Variants in CNGA2 observed in about 807,000 individuals in gnomAD.
The protein encoded by CNGA2 is cyclic nucleotide-gated channel alpha-2.
Under a neutral mutation model 35.9 loss-of-function variants are expected in CNGA2, and 22 were observed. That is an observed-to-expected ratio of 0.61 (90% CI 0.44 to 0.88). CNGA2 has a LOEUF of 0.88. Among genes scored for constraint, CNGA2 ranks in the 40% least tolerant of loss-of-function variants. The probability of loss-of-function intolerance (pLI) is 0.00; values close to 1 mark genes in which losing one functional copy is unlikely to be tolerated. For synonymous variants in CNGA2, 217 were observed against 209.2 expected (o/e 1.04, Z -0.32); for missense variants, 555 against 530.8 (o/e 1.05, Z -0.45).
chrX:151,737,278 T>C (rs948609212), intron 1 of CNGA2, among the ~76,000 whole-genome samples: 4 of 111,948 alleles, frequency 3.6e-5, no homozygotes, highest in African/African-American at 1.3e-4. Flanking sequence ...CCTCCAAGTA[T>C]CTCCTGACTC....
At chrX:151,742,188 T>C (rs764936352) in intron 5 of CNGA2, among the ~76,000 whole-genome samples, 1 of 112,449 alleles carries the variant, frequency 8.9e-6, no homozygotes, top group East Asian at 2.8e-4. Flanking sequence ...GACTTGTTCA[T>C]TCATTCAACT....
intron 3 of CNGA2, 121 bp downstream of exon 3, chrX:151,739,000 C>A: frequency 1.8e-6 from 1 of 555,554 alleles, no homozygotes; most frequent in Non-Finnish European, 2.8e-6. Flanking sequence ...CCAAGGAGCA[C>A]TGTCACTGGT....
At position 151,744,602 on chromosome X, in the gene CNGA2, C is replaced by T. The variant is rs147042412; in HGVS notation, c.*104C>T. 826 of 710,647 alleles carry T rather than the reference C, an allele frequency of 1.2e-3. 1 individual carries two copies. The African/African-American group carries it at 0.012, about 11-fold the overall frequency. The allele number at this position is 710,647 out of a possible 1,213,427, so 58.6% of individuals were successfully genotyped here. A position where few individuals can be genotyped will look rare whatever the true frequency, so the allele number is the denominator to read the frequency against. On this transcript the variant is annotated 3_prime_UTR_variant, in exon 7 of 7. Coordinates refer to ENST00000329903, the MANE Select transcript of CNGA2 (RefSeq NM_005140.3). ...ATTTACATGCATTACCCTCATGTTCCCTGAATTCTCCCAAAAGCCTCTCTG... is the reference window on the plus strand; with the variant it reads ...ATTTACATGCATTACCCTCATGTTCTCTGAATTCTCCCAAAAGCCTCTCTG...
chrX:151,742,049 C>G (rs972290917), intron 5 of CNGA2, among the ~76,000 whole-genome samples: 1 of 112,863 alleles, frequency 8.9e-6, no homozygotes, highest in African/African-American at 3.2e-5. Context: ...CAAACTTTCT[C>G]CATTCCCACT....
rs1192417524 is a variant in CNGA2 at position 151,743,943 on chromosome X, C to T, written c.1440C>T (p.Tyr480=). The T allele has an allele frequency of 6.6e-6, 8 of 1,211,134 alleles. No individual in the cohort carries two copies. The highest frequency in any genetic ancestry group is 2.3e-4 in the Middle Eastern group (1 of 4,355). ...CTCAGGTCTTCAGTCCTGGGGATTACATTTGCCGCAAAGGGGACATCGGCA... is the reference window on the plus strand; with the variant it reads ...CTCAGGTCTTCAGTCCTGGGGATTATATTTGCCGCAAAGGGGACATCGGCA... ...LRPQVFSPGD[Y]ICRKGDIGKE... is the part of the protein sequence containing the mutation. The change falls in exon 7 of 7, where the codon TAC becomes TAT. Residue 480 remains tyrosine (Y), a synonymous_variant. Transcript: ENST00000329903.
chrX:151,737,870 G>A (rs926017989), intron 1 of CNGA2, among the ~76,000 whole-genome samples: 1 of 106,669 alleles, frequency 9.4e-6, no homozygotes, highest in Non-Finnish European at 1.9e-5. Flanking sequence ...GGGAGGAGGT[G>A]CGTCTCCCTG....
At position 151,744,658 on chromosome X, in the gene CNGA2, T is replaced by G. The variant is rs2124372803; in HGVS notation, c.*160T>G. The G allele has an allele frequency of 1.6e-4, 73 of 461,784 alleles. No individual in the cohort carries two copies. Among genetic ancestry groups the G allele is most frequent in the East Asian group, 2.3e-4 (6 of 26,571 alleles). 38.1% of individuals were successfully genotyped at this position (461,784 alleles called of 1,213,427 possible). On this transcript the variant is annotated 3_prime_UTR_variant, in exon 7 of 7. Transcript: ENST00000329903. Reference sequence around the variant, plus strand: ...GGGTTTTTGGCCTAAACATCCAAGATTCCGCCTCCAAGTTTAGCCCAAGTT... The same window carrying G: ...GGGTTTTTGGCCTAAACATCCAAGAGTCCGCCTCCAAGTTTAGCCCAAGTT...
chrX:151,742,969 TATGTATATATATA>T, intron 6 of CNGA2, 111 bp from the exon 7 acceptor site: 1 of 64,080 alleles, frequency 1.6e-5, no homozygotes, highest in Admixed American at 1.9e-4. Flanking sequence ...TGTATATATA[TATGTATATATATA>T]CATATATATG....
intron 4 of CNGA2, among the ~76,000 whole-genome samples, chrX:151,740,410 A>G (rs191964387): frequency 1.6e-3 from 185 of 112,376 alleles, no homozygotes; most frequent in African/African-American, 5.8e-3. Flanking sequence ...ACCTCTCTCT[A>G]GGGAGGGATG....
chrX:151,744,096 A>G lies in CNGA2; in HGVS notation c.1593A>G (p.Lys531=). The part of the protein sequence containing the change: ...EISILNIKGS[K]MGNRRTANIR... ...GTATCCTTAACATTAAGGGCAGTAA[A>G]ATGGGCAATCGACGCACAGCTAATA... Residue 531 remains lysine (K), a synonymous_variant, in exon 7 of 7, where the codon AAA becomes AAG. Transcript: ENST00000329903. 1.7e-6 allele frequency: 2 copies of G among 1,210,830 alleles called. No homozygotes were observed. The highest frequency in any genetic ancestry group is 1.1e-6 in the Non-Finnish European group (1 of 895,296).
Position 151,744,527 on chromosome X carries a change from T to G in CNGA2, c.*29T>G, listed in dbSNP as rs370788911. 1.6e-4 allele frequency: 148 copies of G among 916,457 alleles called. No homozygotes were observed. Among genetic ancestry groups the G allele is most frequent in the Non-Finnish European group, 2.0e-4 (139 of 695,385 alleles). 75.5% of individuals were successfully genotyped at this position (916,457 alleles called of 1,213,427 possible). On this transcript the variant is annotated 3_prime_UTR_variant, in exon 7 of 7. Coordinates refer to ENST00000329903, the MANE Select transcript of CNGA2 (RefSeq NM_005140.3). The stretch of plus-strand genomic sequence containing the variant: ...CTGGGGCCCAACTGCCTCTCCAGCA[T>G]TGGCCTTGGCCTTGATCCCAGAAGC...
At position 151,738,578 on chromosome X, in the gene CNGA2, ACAGGACAAGCAG is replaced by A; in HGVS notation, c.100_110+1del. 8.3e-7 allele frequency: 1 copy of A among 1,209,108 alleles called. No individual in the cohort carries two copies. Among genetic ancestry groups the A allele is most frequent in the Non-Finnish European group, 1.1e-6 (1 of 892,890 alleles). On this transcript the variant is annotated inframe_deletion, in exon 2 of 7. Coordinates refer to ENST00000329903, the MANE Select transcript of CNGA2 (RefSeq NM_005140.3). ...ATCAAGGCCAATGGCAAAGATGACC[ACAGGACAAGCAG>A]CAGGTGAGTCTGCATGGTATCAGGG...
chrX:151,742,990 A>ATGTATATATATGTGTGTG (rs1556285196), intron 6 of CNGA2, 103 bp from the exon 7 acceptor site: 38 of 22,894 alleles, frequency 1.7e-3, no homozygotes, highest in Non-Finnish European at 2.7e-3. Context: ...ATACATATAT[A>ATGTATATATATGTGTGTG]TGTGTATATA....
At position 151,744,280 on chromosome X, in the gene CNGA2, A is replaced by G. The variant is rs753503269; in HGVS notation, c.1777A>G (p.Met593Val). The G allele has an allele frequency of 4.1e-6, 5 of 1,210,943 alleles. No individual in the cohort carries two copies. Among genetic ancestry groups the G allele is most frequent in the Admixed American group, 2.2e-5 (1 of 45,963 alleles). The change falls in exon 7 of 7, where the codon ATG (methionine) becomes GTG (valine). Residue 593 changes from methionine (M) to valine (V), a missense_variant. Met to Val is a conservative substitution (Grantham distance 21, BLOSUM62 1). Transcript: ENST00000329903. ...LLDENEVATS[M>V]EVDVQEKLGQ... ...GGATGAGAACGAAGTGGCAACCAGC[A>G]TGGAGGTCGACGTGCAGGAGAAGCT...
In CNGA2 at chrX:151,742,490, C is replaced by T; in HGVS notation, c.483-46C>T. On this transcript the variant is annotated intron_variant, in intron 5 of 6. Transcript: ENST00000329903. ...CACTCAGTTTGGGGCCTCCAAGGGA[C>T]CTTTGGCTGGCTTTGGGGGTGAAGC... 3.8e-6 allele frequency: 4 copies of T among 1,058,458 alleles called. No individual in the cohort carries two copies. In the South Asian group the frequency reaches 5.9e-5, roughly 16 times the overall value. The allele number at this position is 1,058,458 out of a possible 1,213,427, so 87.2% of individuals were successfully genotyped here.
rs148906635 is a variant in CNGA2, at chrX:151,740,821, C to T, written c.402C>T (p.Asp134=). ...TKKKFELFVL[D]PAGDWYYCWL... ...AGAAATTTGAACTATTTGTCTTGGA[C>T]CCAGCTGGGGATTGGTACTACTGCT... Residue 134 remains aspartate (D), a synonymous_variant, in exon 5 of 7, where the codon GAC becomes GAT. Coordinates refer to ENST00000329903, the MANE Select transcript of CNGA2 (RefSeq NM_005140.3). The T allele has an allele frequency of 1.5e-3, 1,851 of 1,208,321 alleles. 25 individuals carry two copies. The African/African-American group carries it at 0.03, about 19-fold the overall frequency.
At chrX:151,739,936 C>T (rs990615864) in intron 4 of CNGA2, among the ~76,000 whole-genome samples, 12 of 112,439 alleles carry the variant, frequency 1.1e-4, no homozygotes, top group Admixed American at 3.8e-4. Context: ...GCCATGAGAA[C>T]CTCTGGTGTC....
At chrX:151,736,759 G>T (rs2015250931) in intron 1 of CNGA2, among the ~76,000 whole-genome samples, 1 of 110,824 alleles carries the variant, frequency 9.0e-6, no homozygotes, top group Non-Finnish European at 1.9e-5. Flanking sequence ...GGGGGAATCT[G>T]CCTTTGTGAC....
Position 151,744,497 on chromosome X carries a change from A to C in CNGA2, c.1994A>C (p.Ter665SerextTer19). Residue 665 changes from the stop codon to serine (S), a stop_lost, in exon 7 of 7, where the codon TAA becomes TCA. Coordinates refer to ENST00000329903, the MANE Select transcript of CNGA2 (RefSeq NM_005140.3). ...SPELAAADEP[*>S] The stretch of plus-strand genomic sequence containing the variant: ...GAGCTGGCTGCTGCTGACGAGCCAT[A>C]AGACCTGGGGCCCAACTGCCTCTCC... 8.6e-7 allele frequency: 1 copy of C among 1,164,460 alleles called. No homozygotes were observed. The highest frequency in any genetic ancestry group is 1.1e-6 in the Non-Finnish European group (1 of 871,340).
Sources: gnomAD v4.1 joint callset for allele counts (sites outside exome capture counted in the v4.1 genomes callset) on GRCh38, gnomAD v4.1.1 for gene constraint, MANE v1.5 for transcripts, NCBI Gene and HGNC (gene_info 2026-07-23, HGNC 2026-07-21) for gene names.